The following NHLRC2 variants were observed in gnomAD, a reference collection of about 807,000 sequenced individuals.
NHLRC2 encodes the protein NHL repeat-containing protein 2.
Under a neutral mutation model 68.1 loss-of-function variants are expected in NHLRC2, and 33 were observed. That is an observed-to-expected ratio of 0.48 (90% CI 0.37 to 0.65). The LOEUF (loss-of-function observed/expected upper bound fraction) is 0.65. Ranked by LOEUF, NHLRC2 falls within the 30% of genes least tolerant of loss-of-function variation. The pLI, the probability that NHLRC2 is intolerant of heterozygous loss-of-function variation, is 0.00. For synonymous variants in NHLRC2, 311 were observed against 309.6 expected (o/e 1.00, Z -0.05); for missense variants, 761 against 853.8 (o/e 0.89, Z 1.35).
intron 10 of NHLRC2, among the ~76,000 whole-genome samples, chr10:113,905,404 A>G (rs1284834075): frequency 6.6e-6 from 1 of 152,328 alleles, no homozygotes; most frequent in East Asian, 1.9e-4. Context: ...CTCGTATTTA[A>G]CATCTTTTTC....
intron 3 of NHLRC2, among the ~76,000 whole-genome samples, chr10:113,878,851 C>T (rs979052071): frequency 1.3e-5 from 2 of 152,128 alleles, no homozygotes; most frequent in Admixed American, 1.3e-4. Context: ...TCTAGCCACT[C>T]TGTTACACTA....
intron 10 of NHLRC2, among the ~76,000 whole-genome samples, chr10:113,905,718 C>G (rs1033892390): frequency 6.6e-6 from 1 of 152,162 alleles, no homozygotes; most frequent in Non-Finnish European, 1.5e-5. Context: ...CCTTCATACC[C>G]TCTCACACAC....
intron 2 of NHLRC2, among the ~76,000 whole-genome samples, chr10:113,873,045 C>T (rs937408491): frequency 1.9e-4 from 29 of 152,212 alleles, no homozygotes; most frequent in African/African-American, 5.8e-4. Flanking sequence ...AAACAAAGAA[C>T]GTAACTTACA....
At chr10:113,857,856 A>G (rs1845774736) in intron 1 of NHLRC2, among the ~76,000 whole-genome samples, 1 of 152,114 alleles carries the variant, frequency 6.6e-6, no homozygotes. Context: ...ATCCAAATCC[A>G]GAATATTTCA....
At chr10:113,872,774 A>T (rs943928769) in intron 2 of NHLRC2, among the ~76,000 whole-genome samples, 8 of 151,756 alleles carry the variant, frequency 5.3e-5, no homozygotes, top group African/African-American at 1.7e-4. Flanking sequence ...AAAAAAAAAA[A>T]AAGTTAAAAG....
chr10:113,893,184 A>T (rs1398062607), intron 5 of NHLRC2, among the ~76,000 whole-genome samples: 3 of 152,120 alleles, frequency 2.0e-5, no homozygotes, highest in Non-Finnish European at 4.4e-5. Context: ...CTGTGGGTAC[A>T]TTTAATCAGA....
In NHLRC2 at chr10:113,902,323, A is replaced by C. The variant is rs1448267535; in HGVS notation, c.1372-148A>C. The C allele has an allele frequency of 5.1e-6, 3 of 591,036 alleles. No homozygotes were observed. The African/African-American group carries it at 5.7e-5, about 11-fold the overall frequency. The allele number at this position is 591,036 out of a possible 1,614,324, so 36.6% of individuals were successfully genotyped here. On this transcript the variant is annotated intron_variant, in intron 7 of 10. Transcript: ENST00000369301. Reference sequence around the variant, plus strand: ...GTCATTTTTTTTCTAATCTGAATGAAGTATCCAACCCTATTTATATGAAAA... The same window carrying C: ...GTCATTTTTTTTCTAATCTGAATGACGTATCCAACCCTATTTATATGAAAA...
intron 5 of NHLRC2, among the ~76,000 whole-genome samples, chr10:113,885,228 C>T (rs1846070588): frequency 6.6e-6 from 1 of 151,858 alleles, no homozygotes; most frequent in Non-Finnish European, 1.5e-5. Flanking sequence ...TTGTTATTAA[C>T]TTTTATGAAG....
rs1189824686 is a variant in NHLRC2, at chr10:113,884,410, G to A, written c.1039+30G>A. On this transcript the variant is annotated intron_variant, in intron 5 of 10. Coordinates refer to ENST00000369301, the MANE Select transcript of NHLRC2 (RefSeq NM_198514.4). ...GTGAACTTTTGATATTAAATGTAAA[G>A]GTAAATTTTACTTCATGTAAGATTT... 3.2e-6 allele frequency: 5 copies of A among 1,579,726 alleles called. No individual in the cohort carries two copies. In the Middle Eastern group the frequency reaches 5.1e-4, roughly 160 times the overall value.
intron 5 of NHLRC2, among the ~76,000 whole-genome samples, chr10:113,890,945 A>G (rs1846124593): frequency 6.6e-6 from 1 of 152,166 alleles, no homozygotes; most frequent in Non-Finnish European, 1.5e-5. Context: ...AAGAGAGAGT[A>G]CCAAGGGGGA....
intron 10 of NHLRC2, among the ~76,000 whole-genome samples, chr10:113,905,636 T>G (rs143649735): frequency 6.7e-4 from 102 of 152,286 alleles, no homozygotes; most frequent in African/African-American, 2.4e-3. Flanking sequence ...CTAATGATAT[T>G]CCTCTGTCCT....
chr10:113,916,241 A>T lies in NHLRC2; in HGVS notation c.*7705A>T, dbSNP rs142482371. 6.6e-6 allele frequency: 1 copy of T among 152,342 alleles called. No individual in the cohort carries two copies. Among genetic ancestry groups the T allele is most frequent in the East Asian group, 1.9e-4 (1 of 5,190 alleles). 9.4% of individuals were successfully genotyped at this position (152,342 alleles called of 1,614,324 possible). On this transcript the variant is annotated 3_prime_UTR_variant, in exon 11 of 11. Transcript: ENST00000369301. The stretch of plus-strand genomic sequence containing the variant: ...TAGAGTTGGAATGTATTGTTCGTGC[A>T]TGCCTGTGATATTCATCATCAAAAT...
intron 6 of NHLRC2, 95 bp downstream of exon 6, chr10:113,898,304 A>G (rs543249187): frequency 1.3e-6 from 1 of 761,948 alleles, no homozygotes; most frequent in Non-Finnish European, 2.2e-6. Flanking sequence ...ACCAGTCAGG[A>G]TGTGCTAGGT....
intron 5 of NHLRC2, 21 bp downstream of exon 5, chr10:113,884,401 A>C: frequency 6.3e-7 from 1 of 1,595,634 alleles, no homozygotes; most frequent in Non-Finnish European, 8.6e-7. Flanking sequence ...TTTTGATATT[A>C]AATGTAAAGG....
chr10:113,860,820 T>A (rs1845809162), intron 2 of NHLRC2, among the ~76,000 whole-genome samples: 2 of 152,220 alleles, frequency 1.3e-5, no homozygotes, highest in Admixed American at 1.3e-4. Context: ...ATAGTGCAGC[T>A]GATAAACCCA....
At chr10:113,865,485 T>C (rs1180250825) in intron 2 of NHLRC2, among the ~76,000 whole-genome samples, 2 of 152,086 alleles carry the variant, frequency 1.3e-5, no homozygotes, top group Non-Finnish European at 2.9e-5. Context: ...TGCCACAGGT[T>C]TGTGAAGAAT....
chr10:113,890,431 A>G (rs1846120594), intron 5 of NHLRC2, among the ~76,000 whole-genome samples: 1 of 152,022 alleles, frequency 6.6e-6, no homozygotes, highest in Non-Finnish European at 1.5e-5. Flanking sequence ...GTTGCTTTCA[A>G]GATTTTATCT....
chr10:113,902,370 TAAATACC>T, intron 7 of NHLRC2, 94 bp from the exon 8 acceptor site: 2 of 762,844 alleles, frequency 2.6e-6, no homozygotes, highest in Non-Finnish European at 4.3e-6. Flanking sequence ...CCTTTTAACT[TAAATACC>T]ATTTGTAACT....
chr10:113,879,806 T>C (rs1221662974), intron 4 of NHLRC2, 111 bp downstream of exon 4: 2 of 667,544 alleles, frequency 3.0e-6, no homozygotes, highest in Non-Finnish European at 4.8e-6. Context: ...TCAATGTCCT[T>C]GTTCTGCTTT....
Sources: gnomAD v4.1 joint callset for allele counts (sites outside exome capture counted in the v4.1 genomes callset) on GRCh38, gnomAD v4.1.1 for gene constraint, MANE v1.5 for transcripts, NCBI Gene and HGNC (gene_info 2026-07-23, HGNC 2026-07-21) for gene names.